Variants in ENTPD6 observed in about 807,000 individuals in gnomAD.
The protein encoded by ENTPD6 is CD39 antigen-like 2.
ENTPD6 carries 46 observed loss-of-function variants against 61.5 expected under a neutral mutation model. That is an observed-to-expected ratio of 0.75 (90% CI 0.59 to 0.96). The LOEUF (loss-of-function observed/expected upper bound fraction) is 0.96, where lower values mean the gene tolerates loss of function less well. ENTPD6 is among the 40% of genes least tolerant of loss of function. The probability of loss-of-function intolerance (pLI) is 0.00; values close to 1 mark genes in which losing one functional copy is unlikely to be tolerated. For missense variants in ENTPD6, 612 were observed against 629.0 expected (o/e 0.97, Z 0.29); for synonymous variants, 252 against 255.5 (o/e 0.99, Z 0.13).
Position 25,227,077 on chromosome 20 carries a change from C to T in ENTPD6, c.*1480C>T, listed in dbSNP as rs549168434. On this transcript the variant is annotated 3_prime_UTR_variant, in exon 15 of 15. Transcript: ENST00000376652. Reference sequence around the variant, plus strand: ...TGGTCTGGAAGCGTCCCAAAGGTGTCGCATGCCAGGGAAACTGCAGACCAG... The same window carrying T: ...TGGTCTGGAAGCGTCCCAAAGGTGTTGCATGCCAGGGAAACTGCAGACCAG... Among the ~76,000 whole-genome samples, 16 of 152,370 alleles carry T rather than the reference C, an allele frequency of 1.1e-4. No homozygotes were observed. Among genetic ancestry groups the T allele is most frequent in the South Asian group, 6.2e-4 (3 of 4,828 alleles).
chr20:25,196,537 TAAGTGCA>T (rs1021497993), intron 1 of ENTPD6, among the ~76,000 whole-genome samples: 5 of 152,130 alleles, frequency 3.3e-5, no homozygotes, highest in African/African-American at 1.2e-4. Flanking sequence ...AGTGCACCTG[TAAGTGCA>T]AAGTGCAAAG....
intron 1 of ENTPD6, chr20:25,196,392 G>A: frequency 5.1e-6 from 1 of 197,894 alleles, no homozygotes; most frequent in Non-Finnish European, 9.2e-6. Flanking sequence ...GCCCTGGACC[G>A]AGGGAGGGAG....
chr20:25,216,517 G>T (rs1261409734), intron 7 of ENTPD6, 131 bp from the exon 8 acceptor site: 2 of 649,786 alleles, frequency 3.1e-6, no homozygotes, highest in Admixed American at 4.9e-5. Flanking sequence ...CCCTTAAATG[G>T]AGATTTGTCA....
Position 25,213,337 on chromosome 20 carries a change from T to G in ENTPD6, c.528T>G (p.Pro176=). 6.2e-7 allele frequency: 1 copy of G among 1,614,222 alleles called. No homozygotes were observed. The highest frequency in any genetic ancestry group is 1.6e-4 in the Middle Eastern group (1 of 6,062). The change falls in exon 5 of 15, where the codon CCT becomes CCG. Residue 176 remains proline (P), a synonymous_variant. Transcript: ENST00000376652. ...CGTTCGACTTCTGGAAGGCCACCCC[T>G]CTGGTCCTCAAGGCCACAGCTGGCT... ...DIPFDFWKAT[P]LVLKATAGLR...
chr20:25,195,745 T>C lies in ENTPD6; in HGVS notation c.-138T>C. Reference sequence around the variant, plus strand: ...CAGGCCCTAGGGAATCGTGGGGTCGTATCCCGCGGGTGGAGGCCGGGGTGG... The same window carrying C: ...CAGGCCCTAGGGAATCGTGGGGTCGCATCCCGCGGGTGGAGGCCGGGGTGG... On this transcript the variant is annotated 5_prime_UTR_variant, in exon 1 of 15. Coordinates refer to ENST00000376652, the MANE Select transcript of ENTPD6 (RefSeq NM_001247.5). 2.5e-6 allele frequency: 2 copies of C among 792,020 alleles called. No homozygotes were observed. The highest frequency in any genetic ancestry group is 3.5e-6 in the Non-Finnish European group (2 of 579,444). 49.1% of individuals were successfully genotyped at this position (792,020 alleles called of 1,614,324 possible).
intron 4 of ENTPD6, among the ~76,000 whole-genome samples, chr20:25,210,540 G>C (rs1011837582): frequency 6.6e-6 from 1 of 152,204 alleles, no homozygotes; most frequent in Non-Finnish European, 1.5e-5. Context: ...AGCTACTTGG[G>C]AGACTGAGGT....
chr20:25,222,978 G>A lies in ENTPD6; in HGVS notation c.1186G>A (p.Asp396Asn). 2 of 1,613,082 alleles carry A rather than the reference G, an allele frequency of 1.2e-6. No homozygotes were observed. Among genetic ancestry groups the A allele is most frequent in the Non-Finnish European group, 1.7e-6 (2 of 1,179,696 alleles). The change falls in exon 12 of 15, where the codon GAT becomes AAT. Residue 396 changes from aspartate (D) to asparagine (N), a missense_variant and splice_region_variant. Coordinates refer to ENST00000376652, the MANE Select transcript of ENTPD6 (RefSeq NM_001247.5). Reference sequence around the variant, plus strand: ...CCTTGCAGCTGGTGTGGGCCTCATAGGTAAGGGGGCCCGGATGGGCTGAGC... The same window carrying A: ...CCTTGCAGCTGGTGTGGGCCTCATAAGTAAGGGGGCCCGGATGGGCTGAGC... The part of the protein sequence containing the change: ...YDLAAGVGLI[D>N]AEKGGSLVVG...
At chr20:25,195,962 G>A in intron 1 of ENTPD6, 95 bp downstream of exon 1, 1 of 1,065,666 alleles carries the variant, frequency 9.4e-7, no homozygotes, top group Non-Finnish European at 1.2e-6. Context: ...CCGGAGGACG[G>A]CCTCGGGGTC....
chr20:25,222,787 A>G, intron 11 of ENTPD6, 51 bp from the exon 12 acceptor site: 1 of 1,600,002 alleles, frequency 6.2e-7, no homozygotes, highest in South Asian at 1.1e-5. Context: ...AGCAGCTGTG[A>G]GGCCTGGGTG....
At chr20:25,211,026 A>G (rs977089536) in intron 4 of ENTPD6, among the ~76,000 whole-genome samples, 1 of 152,248 alleles carries the variant, frequency 6.6e-6, no homozygotes, top group African/African-American at 2.4e-5. Context: ...GATTTATGTA[A>G]GTTTGTAGCA....
intron 1 of ENTPD6, among the ~76,000 whole-genome samples, chr20:25,199,280 A>T (rs893896769): frequency 3.3e-5 from 5 of 152,202 alleles, no homozygotes; most frequent in African/African-American, 9.7e-5. Flanking sequence ...TTTCAGCAGG[A>T]AGAACCTTAG....
intron 3 of ENTPD6, among the ~76,000 whole-genome samples, chr20:25,207,677 C>A (rs1236993980): frequency 6.6e-6 from 1 of 152,202 alleles, no homozygotes; most frequent in East Asian, 1.9e-4. Context: ...TGGCTAGGAC[C>A]ATGATTTAGG....
chr20:25,213,777 C>T (rs1239633085), intron 5 of ENTPD6, among the ~76,000 whole-genome samples: 2 of 152,174 alleles, frequency 1.3e-5, no homozygotes, highest in Non-Finnish European at 2.9e-5. Flanking sequence ...TAGCAAGACC[C>T]CATCTCTACC....
chr20:25,207,833 G>A (rs1321108910), intron 3 of ENTPD6, among the ~76,000 whole-genome samples: 1 of 152,234 alleles, frequency 6.6e-6, no homozygotes, highest in Non-Finnish European at 1.5e-5. Flanking sequence ...GGCCAAGATG[G>A]CCAGGGGCAA....
chr20:25,224,166 TGCTGCAGGG>T lies in ENTPD6; in HGVS notation c.1243+12_1243+20del, dbSNP rs1242572746. 1 of 1,611,078 alleles carries T rather than the reference TGCTGCAGGG, an allele frequency of 6.2e-7. No individual in the cohort carries two copies. The highest frequency in any genetic ancestry group is 2.2e-5 in the East Asian group (1 of 44,696). ...GATCGCAGCCAAGTACGGTGAGTGA[TGCTGCAGGG>T]GCCATCTCAGCAGGGGCAGGCGCCC... On this transcript the variant is annotated intron_variant, in intron 13 of 14. Coordinates refer to ENST00000376652, the MANE Select transcript of ENTPD6 (RefSeq NM_001247.5).
intron 11 of ENTPD6, chr20:25,221,619 A>G: frequency 2.1e-6 from 1 of 465,520 alleles, no homozygotes; most frequent in South Asian, 2.0e-5. Context: ...GAAGGACTGG[A>G]CCAGCTTGGG....
intron 11 of ENTPD6, 125 bp downstream of exon 11, chr20:25,221,458 G>T: frequency 1.3e-6 from 1 of 761,822 alleles, no homozygotes; most frequent in Non-Finnish European, 2.3e-6. Context: ...TGAAGAGCCT[G>T]TACCTGCCCT....
In ENTPD6 at chr20:25,225,506, G is replaced by A. The variant is rs763182086; in HGVS notation, c.1364G>A (p.Arg455Gln). 6.8e-6 allele frequency: 11 copies of A among 1,613,712 alleles called. No individual in the cohort carries two copies. Among genetic ancestry groups the A allele is most frequent in the Middle Eastern group, 1.7e-4 (1 of 6,060 alleles). ...FPRSKVLKLT[R>Q]KIDNVETSWA... is the part of the protein sequence containing the mutation. ...CCTCTCTGTCTTTTCAAGCTCACTC[G>A]GAAAATTGACAATGTTGAGACCAGC... Residue 455 changes from arginine to glutamine, a missense_variant, in exon 15 of 15, where the codon CGG (arginine) becomes CAG (glutamine). Coordinates refer to ENST00000376652, the MANE Select transcript of ENTPD6 (RefSeq NM_001247.5).
At chr20:25,207,615 C>A (rs886603200) in intron 3 of ENTPD6, among the ~76,000 whole-genome samples, 10 of 152,188 alleles carry the variant, frequency 6.6e-5, no homozygotes, top group African/African-American at 2.4e-4. Flanking sequence ...GCAGCTGAGA[C>A]CTTGAGGTGT....
Sources: gnomAD v4.1 joint callset for allele counts (sites outside exome capture counted in the v4.1 genomes callset) on GRCh38, gnomAD v4.1.1 for gene constraint, MANE v1.5 for transcripts, NCBI Gene and HGNC (gene_info 2026-07-23, HGNC 2026-07-21) for gene names.